Variants in MED13 observed in about 807,000 individuals in gnomAD.
MED13 encodes mediator of RNA polymerase II transcription subunit 13.
A neutral mutation model predicts 225.2 loss-of-function variants in MED13; 23 were observed. The observed-to-expected ratio is 0.10, with a 90% CI of 0.07 to 0.14. The LOEUF is 0.14. MED13 is among the 10% of genes least tolerant of loss of function. MED13 has a pLI of 1.00. For synonymous variants in MED13, 942 were observed against 889.2 expected, an observed-to-expected ratio of 1.06 and a Z score of -1.06; for missense variants, 2,197 against 2,594.5, an observed-to-expected ratio of 0.85 and a Z score of 3.33.
intron 3 of MED13, among the ~76,000 whole-genome samples, chr17:62,050,913 G>A (rs1273106209): frequency 1.3e-5 from 2 of 152,190 alleles, no homozygotes; most frequent in Admixed American, 6.5e-5. Context: ...ACTGAGGCAG[G>A]AGAATCACTT....
chr17:61,969,260 C>CAGG (rs775362858), intron 17 of MED13, among the ~76,000 whole-genome samples: 86 of 152,130 alleles, frequency 5.7e-4, no homozygotes, highest in African/African-American at 2.0e-3. Flanking sequence ...GAGGCTGAAG[C>CAGG]AGAATTGCTT....
Position 61,964,994 on chromosome 17 carries a change from T to A in MED13, c.4844+12A>T. The A allele has an allele frequency of 1.3e-6, 2 of 1,599,024 alleles. No homozygotes were observed. The highest frequency in any genetic ancestry group is 8.5e-7 in the Non-Finnish European group (1 of 1,173,540). On this transcript the variant is annotated intron_variant, in intron 20 of 29. Coordinates refer to ENST00000397786, the MANE Select transcript of MED13 (RefSeq NM_005121.3). ...TTTATATTTCTGCAAAAATCAGTAT[T>A]TTTAAAGGTACCTTTCAGACACATC...
intron 2 of MED13, among the ~76,000 whole-genome samples, chr17:62,060,484 G>A (rs953311274): frequency 2.0e-5 from 3 of 151,678 alleles, no homozygotes; most frequent in African/African-American, 7.3e-5. Flanking sequence ...GCCGGGCGTG[G>A]TGGTGGGCGC....
rs578073128 is a variant in MED13, at chr17:61,990,957, A to G, written c.2263+1583T>C. Among the ~76,000 whole-genome samples the G allele has an allele frequency of 6.6e-5, 10 of 152,228 alleles. No homozygotes were observed. In the South Asian group the frequency reaches 8.3e-4, roughly 13 times the overall value. On this transcript the variant is annotated intron_variant, in intron 11 of 29. Transcript: ENST00000397786. ...AAGAAAATGACAGCAAAATTCCAGTAAAGTTTAATTTAGAAATTGTGGTTT... is the reference window on the plus strand; with the variant it reads ...AAGAAAATGACAGCAAAATTCCAGTGAAGTTTAATTTAGAAATTGTGGTTT...
chr17:62,010,524 T>C (rs1212182219), intron 9 of MED13, 26 bp downstream of exon 9: 4 of 1,359,910 alleles, frequency 2.9e-6, no homozygotes, highest in Non-Finnish European at 3.9e-6. Context: ...TAAATTATAA[T>C]GGTGACTATT....
chr17:62,003,794 A>G (rs2080420403), intron 9 of MED13: 1 of 152,142 alleles, frequency 6.6e-6, no homozygotes, highest in Non-Finnish European at 1.5e-5. Flanking sequence ...TTATTTCCTT[A>G]ACTTACATAA....
In MED13 at chr17:62,011,069, C is replaced by A; in HGVS notation, c.1448G>T (p.Ser483Ile). The A allele has an allele frequency of 1.2e-6, 2 of 1,614,232 alleles. No homozygotes were observed. The highest frequency in any genetic ancestry group is 1.7e-6 in the Non-Finnish European group (2 of 1,180,032). Residue 483 changes from serine (S) to isoleucine (I), a missense_variant, in exon 9 of 30, where the codon AGT becomes ATT. Ser to Ile is a moderately radical substitution (Grantham distance 142, BLOSUM62 -2). Coordinates refer to ENST00000397786, the MANE Select transcript of MED13 (RefSeq NM_005121.3). ...LTPFHHRVSV[S>I]DDVGMDADSA... ...ATCTGCGTCCATGCCAACATCATCA[C>A]TAACAGACACACGATGGTGAAAAGG... is the stretch of plus-strand genomic sequence containing the variant.
chr17:62,046,258 C>G (rs2080896913), intron 3 of MED13, among the ~76,000 whole-genome samples: 1 of 152,116 alleles, frequency 6.6e-6, no homozygotes, highest in African/African-American at 2.4e-5. Flanking sequence ...TGATTTTTGT[C>G]CTACTTGCTT....
intron 28 of MED13, among the ~76,000 whole-genome samples, chr17:61,950,478 G>A (rs2079887544): frequency 6.6e-6 from 1 of 151,628 alleles, no homozygotes; most frequent in East Asian, 1.9e-4. Flanking sequence ...CTGCCTCCCA[G>A]GTTCAAGCGA....
chr17:61,987,784 C>T (rs2080261022), intron 11 of MED13, among the ~76,000 whole-genome samples: 1 of 152,090 alleles, frequency 6.6e-6, no homozygotes, highest in Admixed American at 6.5e-5. Flanking sequence ...GGGTCTCGCT[C>T]TGTCACCACC....
At chr17:62,022,776 G>A (rs1221677695) in intron 8 of MED13, among the ~76,000 whole-genome samples, 2 of 152,152 alleles carry the variant, frequency 1.3e-5, no homozygotes, top group African/African-American at 4.8e-5. Flanking sequence ...TTGGGAGGCT[G>A]AGGCAGGAAG....
In MED13 at chr17:61,942,647, TTTG is replaced by T. The variant is rs931337510; in HGVS notation, c.*3818_*3820del. 1 of 152,184 alleles carries T rather than the reference TTTG, an allele frequency of 6.6e-6. No individual in the cohort carries two copies. 9.4% of individuals were successfully genotyped at this position (152,184 alleles called of 1,614,324 possible). On this transcript the variant is annotated 3_prime_UTR_variant, in exon 30 of 30. Coordinates refer to ENST00000397786, the MANE Select transcript of MED13 (RefSeq NM_005121.3). ...ATTTATTCCATTTGAAGTTTTGTTTTTTGTTTTTGTTTTTTTTTTTTTAAAAAG... is the reference window on the plus strand; with the variant it reads ...ATTTATTCCATTTGAAGTTTTGTTTTTTTTTGTTTTTTTTTTTTTAAAAAG...
intron 2 of MED13, among the ~76,000 whole-genome samples, chr17:62,060,785 C>T (rs909594260): frequency 1.5e-4 from 23 of 151,898 alleles, no homozygotes; most frequent in Admixed American, 4.6e-4. Flanking sequence ...CTGCAACCTC[C>T]GCCTCCTGGG....
intron 8 of MED13, among the ~76,000 whole-genome samples, chr17:62,026,386 A>T: frequency 6.6e-6 from 1 of 150,378 alleles, no homozygotes; most frequent in Non-Finnish European, 1.5e-5. Flanking sequence ...ACAGAATCCT[A>T]TTTTCTGAAT....
rs1356663758 is a variant in MED13, at chr17:62,021,239, G to A, written c.1283+8302C>T. 1.2e-4 allele frequency among the ~76,000 whole-genome samples: 18 copies of A among 150,400 alleles called. No homozygotes were observed. The East Asian group carries it at 2.7e-3, about 23-fold the overall frequency. On this transcript the variant is annotated intron_variant, in intron 8 of 29. Transcript: ENST00000397786. ...AGACGGGGTGGTGGCCGGGCAGAGG[G>A]GCTCCTCACTTCCCAGTAGGGGCGG...
intron 28 of MED13, among the ~76,000 whole-genome samples, chr17:61,948,323 T>C (rs1396884881): frequency 1.3e-5 from 2 of 152,242 alleles, no homozygotes; most frequent in East Asian, 1.9e-4. Context: ...GCCCGCTTTA[T>C]ACTATCCTTT....
chr17:62,015,954 A>ATTTT (rs869061252), intron 8 of MED13, among the ~76,000 whole-genome samples: 2 of 12,904 alleles, frequency 1.5e-4, no homozygotes, highest in Non-Finnish European at 1.1e-4. Context: ...ATATATATAT[A>ATTTT]TTTTTTTTTT....
At chr17:62,031,324 G>A (rs768509453) in intron 6 of MED13, 120 bp downstream of exon 6, 54 of 853,630 alleles carry the variant, frequency 6.3e-5, no homozygotes, top group Non-Finnish European at 8.9e-5. Context: ...GAAATTACTT[G>A]TACTACACTT....
intron 17 of MED13, among the ~76,000 whole-genome samples, chr17:61,968,654 G>C (rs1251060447): frequency 6.6e-6 from 1 of 152,068 alleles, no homozygotes; most frequent in Non-Finnish European, 1.5e-5. Context: ...AAAAGTTAAT[G>C]AAGTCATTAT....
Sources: gnomAD v4.1 joint callset for allele counts (sites outside exome capture counted in the v4.1 genomes callset) on GRCh38, gnomAD v4.1.1 for gene constraint, MANE v1.5 for transcripts, NCBI Gene and HGNC (gene_info 2026-07-23, HGNC 2026-07-21) for gene names.